The following KAT6B variants were observed in gnomAD, a reference collection of about 807,000 sequenced individuals.
KAT6B encodes the protein histone acetyltransferase KAT6B.
In KAT6B, 10 loss-of-function variants were observed where a neutral mutation model predicts 187.5. The ratio of observed to expected loss-of-function variants is 0.05; its 90% CI spans 0.03 to 0.09. The LOEUF (loss-of-function observed/expected upper bound fraction) is 0.09. Among genes scored for constraint, KAT6B ranks in the 10% least tolerant of loss-of-function variants. The pLI is 1.00. For missense variants in KAT6B, 1,952 were observed against 2,558.9 expected (o/e 0.76, Z 5.12); for synonymous variants, 861 against 926.8 (o/e 0.93, Z 1.29).
intron 13 of KAT6B, among the ~76,000 whole-genome samples, chr10:74,992,838 G>C (rs1843198082): frequency 6.6e-6 from 1 of 152,198 alleles, no homozygotes; most frequent in South Asian, 2.1e-4. Context: ...TGGCCAGAGT[G>C]AGTAAAGGGC....
rs1247048609 is a variant in KAT6B, at chr10:74,967,202, C to A, written c.731-2458C>A. On this transcript the variant is annotated intron_variant, in intron 4 of 17. Transcript: ENST00000287239. The stretch of plus-strand genomic sequence containing the variant: ...AAAATTAGCCAGGCATAGTGGCGGG[C>A]GCCTCTAGTCCCAGCTACTAAGGAG... Among the ~76,000 whole-genome samples the A allele has an allele frequency of 6.7e-5, 10 of 150,068 alleles. No individual in the cohort carries two copies. In the East Asian group the frequency reaches 2.0e-3, roughly 30 times the overall value.
intron 13 of KAT6B, among the ~76,000 whole-genome samples, chr10:75,018,977 T>G (rs774266411): frequency 1.3e-5 from 2 of 152,172 alleles, no homozygotes; most frequent in Non-Finnish European, 2.9e-5. Context: ...GTGCCAATTA[T>G]CTGTATTCTG....
At chr10:74,955,989 T>A (rs1840662676) in intron 3 of KAT6B, among the ~76,000 whole-genome samples, 1 of 152,136 alleles carries the variant, frequency 6.6e-6, no homozygotes, top group Admixed American at 6.5e-5. Flanking sequence ...AGTGGTGCAA[T>A]CACGACTCAT....
intron 2 of KAT6B, among the ~76,000 whole-genome samples, chr10:74,840,960 C>G (rs1375997293): frequency 2.0e-5 from 3 of 152,020 alleles, no homozygotes; most frequent in Non-Finnish European, 2.9e-5. Flanking sequence ...TATAGTCTGT[C>G]TAAATAAATA....
intron 3 of KAT6B, among the ~76,000 whole-genome samples, chr10:74,919,971 T>G (rs1847991123): frequency 6.6e-6 from 1 of 152,238 alleles, no homozygotes; most frequent in South Asian, 2.1e-4. Flanking sequence ...ATAGTTAATG[T>G]CATTGTTTTT....
chr10:74,989,241 T>C, intron 13 of KAT6B, 129 bp downstream of exon 13: 1 of 722,388 alleles, frequency 1.4e-6, no homozygotes, highest in South Asian at 1.5e-5. Context: ...TTTCTATTTA[T>C]ATTTACATAG....
intron 3 of KAT6B, among the ~76,000 whole-genome samples, chr10:74,905,186 T>C (rs1385659663): frequency 6.6e-6 from 1 of 152,222 alleles, no homozygotes; most frequent in Non-Finnish European, 1.5e-5. Flanking sequence ...CAGATGTCCT[T>C]GCCCATTAAA....
At chr10:74,879,530 G>A (rs546300320) in intron 3 of KAT6B, among the ~76,000 whole-genome samples, 20 of 152,196 alleles carry the variant, frequency 1.3e-4, no homozygotes, top group Admixed American at 1.0e-3. Context: ...CTTGGTGCTC[G>A]TGAGATTTTG....
rs79644703 is a variant in KAT6B, at chr10:75,022,150, A to G, written c.3291A>G (p.Glu1097=). The change falls in exon 16 of 18, where the codon GAA becomes GAG. Residue 1097 remains glutamate, a synonymous_variant. Transcript: ENST00000287239. ...EEEDEEEEEE[E]EEEEEEENIQ... is the part of the protein sequence containing the mutation. ...AGGATGAAGAGGAGGAAGAAGAGGA[A>G]GAAGAAGAAGAAGAAGAAGAAAATA... The G allele has an allele frequency of 2.8e-6, 3 of 1,086,776 alleles. No individual in the cohort carries two copies. The highest frequency in any genetic ancestry group is 6.0e-5 in the East Asian group (1 of 16,676). The allele number at this position is 1,086,776 out of a possible 1,614,324, so 67.3% of individuals were successfully genotyped here. A position where few individuals can be genotyped will look rare whatever the true frequency, so the allele number is the denominator to read the frequency against.
At chr10:74,962,139 C>A (rs1589712034) in intron 4 of KAT6B, among the ~76,000 whole-genome samples, 1 of 152,112 alleles carries the variant, frequency 6.6e-6, no homozygotes, top group Non-Finnish European at 1.5e-5. Context: ...CTGCTTTAGT[C>A]AAAAAAACTA....
At chr10:74,916,931 C>T (rs1232675559) in intron 3 of KAT6B, among the ~76,000 whole-genome samples, 1 of 152,148 alleles carries the variant, frequency 6.6e-6, no homozygotes, top group Non-Finnish European at 1.5e-5. Flanking sequence ...TGGCAAAACC[C>T]TGTCTCTACA....
chr10:74,957,661 G>A (rs1459589145), intron 3 of KAT6B, among the ~76,000 whole-genome samples: 4 of 152,240 alleles, frequency 2.6e-5, no homozygotes, highest in Admixed American at 2.6e-4. Flanking sequence ...GATGACAGCA[G>A]TAGCTTGAAC....
intron 12 of KAT6B, among the ~76,000 whole-genome samples, chr10:74,988,504 C>T (rs181004894): frequency 6.9e-4 from 105 of 152,268 alleles, no homozygotes; most frequent in African/African-American, 2.5e-3. Flanking sequence ...ACTTTTTATT[C>T]ATAGGAGAAA....
rs1400519520 is a variant in KAT6B at position 75,022,225 on chromosome 10, G to A, written c.3366G>A (p.Lys1122=). 6.2e-7 allele frequency: 1 copy of A among 1,613,130 alleles called. No individual in the cohort carries two copies. The highest frequency in any genetic ancestry group is 8.5e-7 in the Non-Finnish European group (1 of 1,180,020). The stretch of plus-strand genomic sequence containing the variant: ...CGAAACCACAGTCAGTTGCCATAAA[G>A]AGAAAGGTAGGTGTCTGTTTAGATT... The part of the protein sequence containing the change: ...RLTKPQSVAI[K]RKRPFVLKKK... Residue 1122 remains lysine (K), a synonymous_variant, in exon 16 of 18, where the codon AAG becomes AAA. Transcript: ENST00000287239.
At chr10:74,922,902 A>G (rs1252981971) in intron 3 of KAT6B, among the ~76,000 whole-genome samples, 3 of 152,224 alleles carry the variant, frequency 2.0e-5, no homozygotes, top group African/African-American at 4.8e-5. Flanking sequence ...TAAGAAAATA[A>G]TAGCACAGGT....
intron 3 of KAT6B, among the ~76,000 whole-genome samples, chr10:74,954,883 G>A (rs145310235): frequency 5.8e-4 from 89 of 152,170 alleles, no homozygotes; most frequent in African/African-American, 2.0e-3. Flanking sequence ...GCATCTCCCC[G>A]CTCTATAGAT....
chr10:74,995,177 A>T (rs1355923164), intron 13 of KAT6B, among the ~76,000 whole-genome samples: 1 of 152,206 alleles, frequency 6.6e-6, no homozygotes, highest in Non-Finnish European at 1.5e-5. Context: ...CATTGTGAAA[A>T]ACAAACCTCT....
intron 3 of KAT6B, among the ~76,000 whole-genome samples, chr10:74,868,444 A>G (rs1285894099): frequency 6.6e-6 from 1 of 152,074 alleles, no homozygotes; most frequent in Non-Finnish European, 1.5e-5. Flanking sequence ...TTTTTAGTAA[A>G]TTGCTGAAAT....
chr10:74,930,174 C>T (rs1036485722), intron 3 of KAT6B, among the ~76,000 whole-genome samples: 2 of 152,132 alleles, frequency 1.3e-5, no homozygotes, highest in Admixed American at 6.5e-5. Context: ...CCACCCACTT[C>T]GGCCTCCCAG....
Sources: gnomAD v4.1 joint callset for allele counts (sites outside exome capture counted in the v4.1 genomes callset) on GRCh38, gnomAD v4.1.1 for gene constraint, MANE v1.5 for transcripts, NCBI Gene and HGNC (gene_info 2026-07-23, HGNC 2026-07-21) for gene names.